Variants in UBE2D2 observed in about 807,000 individuals in gnomAD.
UBE2D2 encodes ubiquitin conjugating enzyme E2 D2, also known as ubiquitin-conjugating enzyme E2 D2.
UBE2D2 carries 2 observed loss-of-function variants against 24.2 expected under a neutral mutation model. That is an observed-to-expected ratio of 0.08 (90% confidence interval 0.03 to 0.26). The LOEUF is 0.26. Among genes scored for constraint, UBE2D2 ranks in the 10% least tolerant of loss-of-function variants. UBE2D2 has a pLI of 1.00. For synonymous variants in UBE2D2, 58 were observed against 56.5 expected (o/e 1.03, Z -0.12); for missense variants, 44 against 177.6 (o/e 0.25, Z 4.28).
chr5:139,605,991 C>G (rs180746929), intron 2 of UBE2D2, among the ~76,000 whole-genome samples: 60 of 152,250 alleles, frequency 3.9e-4, no homozygotes, highest in African/African-American at 1.4e-3. Context: ...GATCCTCCTG[C>G]CTCTGCCTCC....
intron 1 of UBE2D2, among the ~76,000 whole-genome samples, chr5:139,581,614 A>G (rs925527257): frequency 6.6e-6 from 1 of 151,694 alleles, no homozygotes; most frequent in Non-Finnish European, 1.5e-5. Context: ...TTTATGTTTC[A>G]TATAGGCCTT....
chr5:139,595,041 G>A (rs780458120), intron 1 of UBE2D2, among the ~76,000 whole-genome samples: 4 of 152,138 alleles, frequency 2.6e-5, no homozygotes, highest in Non-Finnish European at 4.4e-5. Context: ...GTCTGCACAT[G>A]TTCAGTACAG....
intron 2 of UBE2D2, among the ~76,000 whole-genome samples, chr5:139,604,935 G>A (rs1013869209): frequency 1.3e-5 from 2 of 150,796 alleles, no homozygotes; most frequent in African/African-American, 4.9e-5. Context: ...CCCCACATAA[G>A]AGTACATCAA....
At chr5:139,610,629 T>C (rs1339860993) in intron 2 of UBE2D2, among the ~76,000 whole-genome samples, 1 of 151,484 alleles carries the variant, frequency 6.6e-6, no homozygotes, top group Non-Finnish European at 1.5e-5. Flanking sequence ...TCCCAGCACT[T>C]TGGGAGGCTG....
intron 1 of UBE2D2, among the ~76,000 whole-genome samples, chr5:139,570,020 C>T (rs574718667): frequency 1.2e-3 from 189 of 152,124 alleles, no homozygotes; most frequent in Non-Finnish European, 2.0e-3. Context: ...CACTGGGAGG[C>T]CAAGGTGGGA....
At chr5:139,555,037 TTTTTTTG>T (rs1263401238) in intron 1 of UBE2D2, 3 of 152,396 alleles carry the variant, frequency 2.0e-5, no homozygotes, top group East Asian at 3.8e-4. Context: ...TCCTCTTATT[TTTTTTTG>T]TTTTTTGTTT....
rs570255534 is a variant in UBE2D2 at position 139,586,424 on chromosome 5, C to T, written c.25-13948C>T. On this transcript the variant is annotated intron_variant, in intron 1 of 6. Coordinates refer to ENST00000398733, the MANE Select transcript of UBE2D2 (RefSeq NM_003339.3). ...TAACTAACACCCTCCACCCCCTCTT[C>T]AAGTGTAGATCTGGTTTTGTATTTA... is the stretch of plus-strand genomic sequence containing the variant. Among the ~76,000 whole-genome samples, 24 of 152,222 alleles carry T rather than the reference C, an allele frequency of 1.6e-4. No individual in the cohort carries two copies. In the South Asian group the frequency reaches 5.0e-3, roughly 32 times the overall value.
chr5:139,597,006 C>T (rs1184506382), intron 1 of UBE2D2, among the ~76,000 whole-genome samples: 1 of 151,484 alleles, frequency 6.6e-6, no homozygotes, highest in Non-Finnish European at 1.5e-5. Flanking sequence ...AAGATCGTGC[C>T]ACTGCATCCA....
At chr5:139,573,187 A>C (rs1753391475) in intron 1 of UBE2D2, among the ~76,000 whole-genome samples, 1 of 151,720 alleles carries the variant, frequency 6.6e-6, no homozygotes, top group Admixed American at 6.6e-5. Flanking sequence ...CTGTAGTCCC[A>C]GCTACTCAGG....
intron 1 of UBE2D2, among the ~76,000 whole-genome samples, chr5:139,597,062 A>T (rs1489887781): frequency 6.0e-5 from 9 of 150,490 alleles, no homozygotes; most frequent in Non-Finnish European, 1.2e-4. Flanking sequence ...AAATTACATT[A>T]AAAAAAATAA....
At chr5:139,586,687 C>T (rs1320984855) in intron 1 of UBE2D2, among the ~76,000 whole-genome samples, 1 of 152,104 alleles carries the variant, frequency 6.6e-6, no homozygotes, top group African/African-American at 2.4e-5. Context: ...ATGGCATGAA[C>T]CCGGGAGGTG....
chr5:139,612,570 A>AT (rs1417972122), intron 2 of UBE2D2, among the ~76,000 whole-genome samples: 2 of 152,236 alleles, frequency 1.3e-5, no homozygotes, highest in Admixed American at 6.5e-5. Flanking sequence ...ATACTCTTCC[A>AT]TTATAACCAC....
Position 139,576,779 on chromosome 5 carries a change from A to T in UBE2D2, c.24+14964A>T, listed in dbSNP as rs77971402. ...CTAAGCTTACATAAAATGTAATTTT[A>T]AAAAGACATTTCTTTAGATGTACCT... On this transcript the variant is annotated intron_variant, in intron 1 of 6. Coordinates refer to ENST00000398733, the MANE Select transcript of UBE2D2 (RefSeq NM_003339.3). 7.7e-3 allele frequency among the ~76,000 whole-genome samples: 1,178 copies of T among 152,294 alleles called. 8 individuals are homozygous for T. The highest frequency in any genetic ancestry group is 0.041 in the Middle Eastern group (12 of 294).
At position 139,542,831 on chromosome 5, in the gene UBE2D2, TAAGTAA is replaced by T. The variant is rs551757271; in HGVS notation, c.-64+16222_-64+16227del. 4.8e-3 allele frequency among the ~76,000 whole-genome samples: 734 copies of T among 152,346 alleles called. 1 individual carries two copies. The highest frequency in any genetic ancestry group is 7.1e-3 in the Non-Finnish European group (485 of 68,038). ...TAGATGAACCTAGAAGACATCATGC[TAAGTAA>T]AATAAGCCAACTGTATGGGTTTGTT... On this transcript the variant is annotated intron_variant, in intron 1 of 6. Transcript: ENST00000511725.
chr5:139,557,894 A>C (rs1277317495), upstream of UBE2D2, among the ~76,000 whole-genome samples: 1 of 152,122 alleles, frequency 6.6e-6, no homozygotes, highest in Non-Finnish European at 1.5e-5. Flanking sequence ...TTTATCAAGA[A>C]GAGTCATATG....
intron 5 of UBE2D2, among the ~76,000 whole-genome samples, chr5:139,615,787 A>G (rs1428313336): frequency 1.3e-5 from 2 of 149,554 alleles, no homozygotes; most frequent in African/African-American, 5.0e-5. Context: ...ACCCTTCAAC[A>G]TTATTCCCAG....
chr5:139,543,481 C>G (rs569633540), intron 1 of UBE2D2, among the ~76,000 whole-genome samples: 1 of 152,176 alleles, frequency 6.6e-6, no homozygotes, highest in African/African-American at 2.4e-5. Context: ...CGTCAGTAGG[C>G]GGGCTGCAGA....
intron 2 of UBE2D2, among the ~76,000 whole-genome samples, chr5:139,605,619 A>AAAAAG (rs1754181852): frequency 6.7e-6 from 1 of 150,194 alleles, no homozygotes; most frequent in African/African-American, 2.5e-5. Flanking sequence ...AAAAAAGAAA[A>AAAAAG]GAAAGAAACA....
chr5:139,610,172 A>G (rs1348891425), intron 2 of UBE2D2, among the ~76,000 whole-genome samples: 3 of 152,156 alleles, frequency 2.0e-5, no homozygotes, highest in Non-Finnish European at 4.4e-5. Context: ...ATGTAGGGCA[A>G]CTCAGAAAAA....
Sources: gnomAD v4.1 joint callset for allele counts (sites outside exome capture counted in the v4.1 genomes callset) on GRCh38, gnomAD v4.1.1 for gene constraint, MANE v1.5 for transcripts, NCBI Gene and HGNC (gene_info 2026-07-23, HGNC 2026-07-21) for gene names.